The following PTPRM variants were observed in gnomAD, a reference collection of about 807,000 sequenced individuals.
PTPRM encodes the protein receptor-type tyrosine-protein phosphatase mu.
Under a neutral mutation model 186.7 loss-of-function variants are expected in PTPRM, and 47 were observed. The ratio of observed to expected loss-of-function variants is 0.25; its 90% CI spans 0.20 to 0.32. PTPRM has a LOEUF of 0.32. PTPRM is among the 10% of genes least tolerant of loss of function. The pLI is 1.00. For synonymous variants in PTPRM, 668 were observed against 674.9 expected, an observed-to-expected ratio of 0.99 and a Z score of 0.16; for missense variants, 1,494 against 1,865.0, an observed-to-expected ratio of 0.80 and a Z score of 3.66.
chr18:8,279,705 C>G (rs1031918842), intron 19 of PTPRM, among the ~76,000 whole-genome samples: 2 of 152,214 alleles, frequency 1.3e-5, no homozygotes, highest in Non-Finnish European at 2.9e-5. Flanking sequence ...TGAATGTTCA[C>G]TATGGAGAGG....
At chr18:8,047,632 G>C (rs1265280133) in intron 7 of PTPRM, among the ~76,000 whole-genome samples, 1 of 152,056 alleles carries the variant, frequency 6.6e-6, no homozygotes, top group Non-Finnish European at 1.5e-5. Flanking sequence ...TGAGTCACCT[G>C]GAGAGCTTTA....
chr18:8,254,860 A>G (rs1030255388), intron 19 of PTPRM, among the ~76,000 whole-genome samples: 4 of 152,234 alleles, frequency 2.6e-5, no homozygotes, highest in African/African-American at 9.6e-5. Flanking sequence ...ACATAGACAC[A>G]CTTTGCTCTG....
chr18:8,037,524 T>C (rs2086409836), intron 7 of PTPRM, among the ~76,000 whole-genome samples: 1 of 152,164 alleles, frequency 6.6e-6, no homozygotes, highest in South Asian at 2.1e-4. Context: ...AAAATACCCA[T>C]TTCTCTTGAG....
intron 19 of PTPRM, among the ~76,000 whole-genome samples, chr18:8,284,800 C>A (rs1474811315): frequency 6.6e-6 from 1 of 152,152 alleles, no homozygotes; most frequent in Non-Finnish European, 1.5e-5. Flanking sequence ...ATAACAAGGG[C>A]AGCTCTCTGT....
chr18:8,376,347 C>T, intron 25 of PTPRM, 115 bp from the exon 26 acceptor site: 1 of 1,554,842 alleles, frequency 6.4e-7, no homozygotes, highest in Non-Finnish European at 8.8e-7. Flanking sequence ...TGGAGTGTAC[C>T]TTTTAAGAGG....
chr18:8,346,464 G>T (rs2095505712), intron 23 of PTPRM, among the ~76,000 whole-genome samples: 2 of 152,304 alleles, frequency 1.3e-5, no homozygotes, highest in Middle Eastern at 3.4e-3. Context: ...AATCCTATTG[G>T]GTGAGGGCCC....
intron 2 of PTPRM, among the ~76,000 whole-genome samples, chr18:7,842,484 G>A (rs899316469): frequency 1.3e-5 from 2 of 152,158 alleles, no homozygotes; most frequent in Admixed American, 6.5e-5. Flanking sequence ...AAGTCCAGAC[G>A]TTGCCGTGAA....
At chr18:8,103,990 A>G (rs1006262884) in intron 11 of PTPRM, among the ~76,000 whole-genome samples, 6 of 151,980 alleles carry the variant, frequency 3.9e-5, no homozygotes, top group African/African-American at 1.4e-4. Flanking sequence ...AGGGAGAGAG[A>G]TGGCTGTCTT....
At chr18:7,591,101 C>CTTTG (rs1470202410) in intron 1 of PTPRM, among the ~76,000 whole-genome samples, 2 of 152,174 alleles carry the variant, frequency 1.3e-5, no homozygotes, top group South Asian at 4.1e-4. Context: ...AAACTTATCT[C>CTTTG]CATTTTTCTT....
chr18:7,761,525 G>A (rs2041771602), intron 1 of PTPRM, among the ~76,000 whole-genome samples: 1 of 152,014 alleles, frequency 6.6e-6, no homozygotes, highest in East Asian at 1.9e-4. Flanking sequence ...AGAATAACAG[G>A]CCATTGATAT....
chr18:7,775,231 T>C (rs142675676), intron 2 of PTPRM, among the ~76,000 whole-genome samples: 249 of 152,280 alleles, frequency 1.6e-3, no homozygotes, highest in African/African-American at 5.6e-3. Context: ...TAACTACTTA[T>C]AACTTCAAAG....
chr18:8,118,811 A>AAAAAAAAAT (rs372020679), intron 13 of PTPRM, among the ~76,000 whole-genome samples: 1 of 128,392 alleles, frequency 7.8e-6, no homozygotes, highest in African/African-American at 2.9e-5. Flanking sequence ...AAAAAAAAAA[A>AAAAAAAAAT]ATATATATAT....
At chr18:8,388,165 G>A (rs919919435) in intron 31 of PTPRM, among the ~76,000 whole-genome samples, 2 of 152,206 alleles carry the variant, frequency 1.3e-5, no homozygotes, top group Non-Finnish European at 2.9e-5. Flanking sequence ...TCAACCAGCT[G>A]CAATCGGCTT....
intron 31 of PTPRM, among the ~76,000 whole-genome samples, chr18:8,392,627 A>C (rs2095821717): frequency 6.9e-6 from 1 of 145,216 alleles, no homozygotes; most frequent in Non-Finnish European, 1.5e-5. Flanking sequence ...ACTCCATCTC[A>C]AAAAAAAAAA....
chr18:8,199,390 G>A (rs551328705), intron 14 of PTPRM, among the ~76,000 whole-genome samples: 35 of 152,204 alleles, frequency 2.3e-4, no homozygotes, highest in African/African-American at 8.4e-4. Flanking sequence ...ACAGGTCTTG[G>A]GAAGAAAAAG....
chr18:7,785,886 C>G (rs557012459), intron 2 of PTPRM, among the ~76,000 whole-genome samples: 26 of 152,286 alleles, frequency 1.7e-4, no homozygotes, highest in African/African-American at 5.3e-4. Flanking sequence ...CAGTGGGTGT[C>G]TCAAATATAA....
At chr18:7,910,035 T>C (rs2050182979) in intron 4 of PTPRM, among the ~76,000 whole-genome samples, 1 of 152,232 alleles carries the variant, frequency 6.6e-6, no homozygotes. Context: ...TTAAATACAT[T>C]ATGAGCTGTG....
In PTPRM at chr18:8,335,189, C is replaced by A. The variant is rs146692986; in HGVS notation, c.2957-8234C>A. ...GGGCCCCATGGGAGTCTCCTTCCCT[C>A]CCAAGTGGCAACAAGTGGCTCCTGC... is the stretch of plus-strand genomic sequence containing the variant. On this transcript the variant is annotated intron_variant, in intron 22 of 32. Transcript: ENST00000580170. Among the ~76,000 whole-genome samples, 313 of 152,314 alleles carry A rather than the reference C, an allele frequency of 2.1e-3. 2 individuals are homozygous for A. Among genetic ancestry groups the A allele is most frequent in the East Asian group, 6.8e-3 (35 of 5,184 alleles).
intron 2 of PTPRM, among the ~76,000 whole-genome samples, chr18:7,853,679 A>G (rs2046969075): frequency 6.6e-6 from 1 of 152,108 alleles, no homozygotes; most frequent in African/African-American, 2.4e-5. Context: ...AGTGGTAGAG[A>G]CATACTTGTG....
Sources: allele counts gnomAD v4.1 joint callset (sites outside exome capture counted in the v4.1 genomes callset), GRCh38; gene constraint gnomAD v4.1.1; transcripts MANE v1.5; gene names NCBI Gene and HGNC (gene_info 2026-07-23, HGNC 2026-07-21).